The following DMD variants were observed in gnomAD, a reference collection of about 807,000 sequenced individuals.
The protein encoded by DMD is dystrophin, also known as mutant dystrophin.
Under a neutral mutation model 330.1 loss-of-function variants are expected in DMD, and 63 were observed. The observed-to-expected ratio is 0.19, with a 90% CI of 0.16 to 0.24. DMD has a LOEUF of 0.24. Among genes scored for constraint, DMD ranks in the 10% least tolerant of loss-of-function variants. DMD has a pLI of 1.00. For missense variants in DMD, 3,344 were observed against 2,684.1 expected, an observed-to-expected ratio of 1.25 and a Z score of -5.43; for synonymous variants, 1,223 against 959.8, an observed-to-expected ratio of 1.27 and a Z score of -5.07.
At chrX:32,026,532 A>T (rs1182909754) in intron 44 of DMD, among the ~76,000 whole-genome samples, 1 of 112,619 alleles carries the variant, frequency 8.9e-6, no homozygotes, top group Admixed American at 9.4e-5. Context: ...AGAATTGAAA[A>T]TTAATGTAGT....
Position 32,406,311 on chromosome X carries a change from G to C in DMD, c.4233+5441C>G, listed in dbSNP as rs776116956. Among the ~76,000 whole-genome samples the C allele has an allele frequency of 2.7e-5, 3 of 111,479 alleles. No individual in the cohort carries two copies. The South Asian group carries it at 1.1e-3, about 42-fold the overall frequency. On this transcript the variant is annotated intron_variant, in intron 30 of 78. Coordinates refer to ENST00000357033, the MANE Select transcript of DMD (RefSeq NM_004006.3). ...TATGTTGAATAGGAGCAGTGAGAGA[G>C]GGCACCCCTGTCTTGTGCCAGTTTT...
chrX:32,570,445 T>C (rs2052280672), intron 15 of DMD, among the ~76,000 whole-genome samples: 2 of 112,074 alleles, frequency 1.8e-5, no homozygotes, highest in African/African-American at 3.2e-5. Context: ...TTTAATCCTA[T>C]TGGAAAATTA....
intron 55 of DMD, among the ~76,000 whole-genome samples, chrX:31,514,954 C>G (rs1174724202): frequency 6.3e-5 from 7 of 111,042 alleles, no homozygotes; most frequent in Non-Finnish European, 1.3e-4. Flanking sequence ...TGCAGACCAA[C>G]TGCTTAAACC....
intron 17 of DMD, among the ~76,000 whole-genome samples, chrX:32,541,339 AATCTTCCTCC>A (rs1393927819): frequency 9.0e-6 from 1 of 111,242 alleles, no homozygotes; most frequent in African/African-American, 3.3e-5. Flanking sequence ...TACCCACCAC[AATCTTCCTCC>A]ATCTTCATCA....
intron 43 of DMD, among the ~76,000 whole-genome samples, chrX:32,252,693 T>TATAAATATATAA: frequency 2.2e-5 from 1 of 46,458 alleles, no homozygotes; most frequent in Non-Finnish European, 3.5e-5. Context: ...TAAATATATA[T>TATAAATATATAA]ATAAATATAT....
chrX:32,595,660 T>C (rs192978151), intron 13 of DMD, 97 bp downstream of exon 13: 3 of 846,427 alleles, frequency 3.5e-6, no homozygotes, highest in East Asian at 7.0e-5. Context: ...ATTCTAAGTA[T>C]TTTAATATAT....
intron 7 of DMD, among the ~76,000 whole-genome samples, chrX:32,732,501 G>A (rs1201321328): frequency 1.8e-5 from 2 of 111,003 alleles, no homozygotes; most frequent in African/African-American, 6.6e-5. Context: ...AGTGTTAAGG[G>A]CAGCCAGAGA....
intron 47 of DMD, among the ~76,000 whole-genome samples, chrX:31,901,503 C>T (rs1025927163): frequency 9.0e-6 from 1 of 111,486 alleles, no homozygotes; most frequent in East Asian, 2.8e-4. Flanking sequence ...CCTTGGGCAA[C>T]TCCTGTACTA....
At chrX:32,804,838 T>C (rs1487431354) in intron 7 of DMD, among the ~76,000 whole-genome samples, 2 of 112,061 alleles carry the variant, frequency 1.8e-5, no homozygotes, top group Non-Finnish European at 3.8e-5. Context: ...AAATAGGGTC[T>C]AGAGTGGACC....
chrX:32,840,685 G>C (rs1344473826), intron 4 of DMD, among the ~76,000 whole-genome samples: 1 of 111,931 alleles, frequency 8.9e-6, no homozygotes. Flanking sequence ...AGAAATCATA[G>C]TAGGTATAAT....
intron 59 of DMD, among the ~76,000 whole-genome samples, chrX:31,445,700 G>C (rs1233091716): frequency 9.0e-6 from 1 of 111,374 alleles, no homozygotes; most frequent in Non-Finnish European, 1.9e-5. Flanking sequence ...CTCCCGTGGG[G>C]CTTCTCAGCT....
At chrX:31,837,280 A>G (rs181488888) in intron 48 of DMD, among the ~76,000 whole-genome samples, 11 of 111,934 alleles carry the variant, frequency 9.8e-5, no homozygotes, top group Admixed American at 2.9e-4. Context: ...CACTGTCAAA[A>G]TTATTTTCTT....
intron 41 of DMD, among the ~76,000 whole-genome samples, chrX:32,334,959 T>C (rs1401376389): frequency 9.0e-6 from 1 of 111,421 alleles, no homozygotes; most frequent in Non-Finnish European, 1.9e-5. Flanking sequence ...AGTTCAAGTT[T>C]GGCGTCTTCC....
chrX:32,616,690 CTTTTTTTTTTTTTTT>C (rs1173392895), intron 11 of DMD, among the ~76,000 whole-genome samples: 1 of 60,223 alleles, frequency 1.7e-5, no homozygotes, highest in Non-Finnish European at 2.9e-5. Flanking sequence ...GTTCTGGTTC[CTTTTTTTTTTTTTTT>C]TTTTTTTTTT....
chrX:32,971,476 A>C lies in DMD; in HGVS notation c.93+48663T>G, dbSNP rs761643188. Among the ~76,000 whole-genome samples, 4 of 111,338 alleles carry C rather than the reference A, an allele frequency of 3.6e-5. 1 individual carries two copies. The highest frequency in any genetic ancestry group is 3.8e-4 in the South Asian group (1 of 2,628). On this transcript the variant is annotated intron_variant, in intron 2 of 78. Coordinates refer to ENST00000357033, the MANE Select transcript of DMD (RefSeq NM_004006.3). ...CAGGGAAAAAAACCCTTATGGAGTA[A>C]AAATAACTTTATAGTTTATTGCTGA...
At chrX:31,722,711 C>T (rs889722188) in intron 52 of DMD, among the ~76,000 whole-genome samples, 2 of 110,462 alleles carry the variant, frequency 1.8e-5, no homozygotes, top group Non-Finnish European at 3.8e-5. Context: ...AATGGTTGTA[C>T]AGCAGCAGAA....
chrX:32,012,172 T>G (rs1184329892), intron 44 of DMD, among the ~76,000 whole-genome samples: 2 of 112,349 alleles, frequency 1.8e-5, no homozygotes, highest in African/African-American at 3.2e-5. Flanking sequence ...CTTCTCTGTT[T>G]ACTAGGAATA....
At chrX:32,572,092 T>C (rs1385271522) in intron 15 of DMD, among the ~76,000 whole-genome samples, 1 of 112,098 alleles carries the variant, frequency 8.9e-6, no homozygotes, top group Non-Finnish European at 1.9e-5. Flanking sequence ...TGAACTCTAT[T>C]TTCGGCAGTC....
intron 32 of DMD, among the ~76,000 whole-genome samples, chrX:32,389,284 C>T (rs1025512531): frequency 9.0e-6 from 1 of 111,537 alleles, no homozygotes; most frequent in African/African-American, 3.3e-5. Flanking sequence ...CAAGCAACAT[C>T]CTTTTATATT....
Sources: allele counts gnomAD v4.1 joint callset (sites outside exome capture counted in the v4.1 genomes callset), GRCh38; gene constraint gnomAD v4.1.1; transcripts MANE v1.5; gene names NCBI Gene and HGNC (gene_info 2026-07-23, HGNC 2026-07-21).